Variants in SNX29 observed in about 807,000 individuals in gnomAD.
SNX29 encodes the protein sorting nexin-29.
SNX29 carries 78 observed loss-of-function variants against 102.1 expected under a neutral mutation model. The observed-to-expected ratio is 0.76, with a 90% CI of 0.64 to 0.92. The LOEUF (loss-of-function observed/expected upper bound fraction) is 0.92. SNX29 is among the 40% of genes least tolerant of loss of function. The pLI is 0.00. For missense variants in SNX29, 1,280 were observed against 1,061.7 expected (o/e 1.21, Z -2.86); for synonymous variants, 580 against 414.5 (o/e 1.40, Z -4.85).
At chr16:12,123,310 C>G (rs529814699) in intron 11 of SNX29, among the ~76,000 whole-genome samples, 11 of 152,202 alleles carry the variant, frequency 7.2e-5, no homozygotes, top group South Asian at 2.1e-4. Context: ...AGTCTGCTCT[C>G]TCTTCAGATT....
At chr16:12,052,305 C>G (rs754750164) in intron 8 of SNX29, 83 bp downstream of exon 8, 4 of 1,490,558 alleles carry the variant, frequency 2.7e-6, no homozygotes, top group Non-Finnish European at 3.7e-6. Flanking sequence ...CAACCTCCAC[C>G]TCCCGGGTTC....
At chr16:11,991,369 C>T (rs16958827) in intron 1 of SNX29, among the ~76,000 whole-genome samples, 18,768 of 152,064 alleles carry the variant, frequency 0.12, 2,435 homozygotes, top group African/African-American at 0.33. Context: ...GGGTGGCTGT[C>T]ACAGAGGGCC....
intron 20 of SNX29, among the ~76,000 whole-genome samples, chr16:12,562,503 C>G (rs935331447): frequency 5.9e-5 from 9 of 152,206 alleles, no homozygotes; most frequent in Admixed American, 2.6e-4. Flanking sequence ...GCATCGTGAG[C>G]AGCCCAAGTA....
At chr16:12,433,741 T>A (rs2085414103) in intron 18 of SNX29, among the ~76,000 whole-genome samples, 1 of 152,028 alleles carries the variant, frequency 6.6e-6, no homozygotes, top group Non-Finnish European at 1.5e-5. Flanking sequence ...CAAGTATCGC[T>A]TGAACCTGGG....
At chr16:12,319,916 G>A (rs2080875248) in intron 15 of SNX29, among the ~76,000 whole-genome samples, 1 of 152,188 alleles carries the variant, frequency 6.6e-6, no homozygotes, top group East Asian at 1.9e-4. Context: ...CTTGGTGGCA[G>A]GTTTCTTCAG....
At chr16:12,064,013 G>C (rs1287328080) in intron 9 of SNX29, among the ~76,000 whole-genome samples, 2 of 151,958 alleles carry the variant, frequency 1.3e-5, no homozygotes, top group East Asian at 3.9e-4. Context: ...TAGGACCCCT[G>C]GGGAGTTTTG....
At chr16:12,241,490 C>T (rs927176287) in intron 14 of SNX29, among the ~76,000 whole-genome samples, 13 of 151,584 alleles carry the variant, frequency 8.6e-5, no homozygotes, top group Non-Finnish European at 1.9e-4. Flanking sequence ...GATGGAGTCT[C>T]TCTCTGTTGC....
At chr16:12,562,377 A>G (rs1234639714) in intron 20 of SNX29, among the ~76,000 whole-genome samples, 6 of 139,552 alleles carry the variant, frequency 4.3e-5, no homozygotes, top group Non-Finnish European at 9.2e-5. Flanking sequence ...CCATTTTTTA[A>G]AACAGCTCAA....
intron 11 of SNX29, among the ~76,000 whole-genome samples, chr16:12,117,150 G>A (rs1346045693): frequency 8.6e-4 from 89 of 103,812 alleles, no homozygotes; most frequent in South Asian, 1.0e-3. Flanking sequence ...ACGTGCTTCA[G>A]TGCGGACGAA....
At position 12,570,260 on chromosome 16, in the gene SNX29, A is replaced by G. The variant is rs1598135928; in HGVS notation, c.*1631A>G. On this transcript the variant is annotated 3_prime_UTR_variant, in exon 21 of 21. Transcript: ENST00000566228. ...TGAGACCAAATGAGCTGGAGCATGT[A>G]TGGAGGTGCGGACCCTGCAGTCAGT... The G allele has an allele frequency of 9.4e-7, 1 of 1,064,878 alleles. No individual in the cohort carries two copies. Among genetic ancestry groups the G allele is most frequent in the East Asian group, 5.0e-5 (1 of 20,026 alleles). The allele number at this position is 1,064,878 out of a possible 1,614,324, so 66.0% of individuals were successfully genotyped here. A position where few individuals can be genotyped will look rare whatever the true frequency, so the allele number is the denominator to read the frequency against.
intron 20 of SNX29, chr16:12,557,233 C>G (rs2078425121): frequency 6.6e-6 from 1 of 152,262 alleles, no homozygotes; most frequent in Non-Finnish European, 1.5e-5. Context: ...ATTTGGGAAG[C>G]TTTACCATTT....
At chr16:12,041,211 A>G (rs2049867683) in intron 4 of SNX29, among the ~76,000 whole-genome samples, 1 of 152,068 alleles carries the variant, frequency 6.6e-6, no homozygotes, top group Non-Finnish European at 1.5e-5. Context: ...TACCGGGTTC[A>G]AATGATTCTC....
chr16:12,258,493 A>G (rs376939611), intron 14 of SNX29, among the ~76,000 whole-genome samples: 1 of 151,988 alleles, frequency 6.6e-6, no homozygotes, highest in Non-Finnish European at 1.5e-5. Flanking sequence ...TCTCCAGTGT[A>G]TGTTTTGCAT....
chr16:12,266,255 G>A (rs904776026), intron 14 of SNX29, among the ~76,000 whole-genome samples: 5 of 152,092 alleles, frequency 3.3e-5, no homozygotes, highest in South Asian at 2.1e-4. Flanking sequence ...TACTCACACC[G>A]CTCTCAACAC....
At chr16:12,536,230 G>A (rs557716364) in intron 20 of SNX29, among the ~76,000 whole-genome samples, 1 of 152,194 alleles carries the variant, frequency 6.6e-6, no homozygotes, top group South Asian at 2.1e-4. Flanking sequence ...AGGATTTCAT[G>A]TTTTTTTCTT....
At chr16:12,484,019 G>A (rs1004388492) in intron 19 of SNX29, among the ~76,000 whole-genome samples, 5 of 152,190 alleles carry the variant, frequency 3.3e-5, no homozygotes, top group South Asian at 4.1e-4. Flanking sequence ...ATTGTTCAGC[G>A]GGACTGAGAT....
At chr16:12,230,400 T>C (rs910836267) in intron 14 of SNX29, among the ~76,000 whole-genome samples, 6 of 152,200 alleles carry the variant, frequency 3.9e-5, no homozygotes, top group African/African-American at 1.2e-4. Flanking sequence ...CCTGCAGTAG[T>C]ACTGAGGAAA....
intron 19 of SNX29, among the ~76,000 whole-genome samples, chr16:12,485,027 AAG>A (rs2088157912): frequency 6.6e-6 from 1 of 152,248 alleles, no homozygotes; most frequent in Non-Finnish European, 1.5e-5. Flanking sequence ...AATTCAGTGG[AAG>A]AGTTTCCCTT....
In SNX29 at chr16:12,245,219, C is replaced by G. The variant is rs2078225811; in HGVS notation, c.1679-32714C>G. Among the ~76,000 whole-genome samples, 5 of 152,146 alleles carry G rather than the reference C, an allele frequency of 3.3e-5. No individual in the cohort carries two copies. The South Asian group carries it at 8.3e-4, about 25-fold the overall frequency. On this transcript the variant is annotated intron_variant, in intron 14 of 20. Coordinates refer to ENST00000566228, the MANE Select transcript of SNX29 (RefSeq NM_032167.5). ...TACAGCGGAATCCTGGCATTGCTCCCTATGAGCTGTGTGACCTCAGCTGAG... is the reference window on the plus strand; with the variant it reads ...TACAGCGGAATCCTGGCATTGCTCCGTATGAGCTGTGTGACCTCAGCTGAG...
Sources: gnomAD v4.1 joint callset for allele counts (sites outside exome capture counted in the v4.1 genomes callset) on GRCh38, gnomAD v4.1.1 for gene constraint, MANE v1.5 for transcripts, NCBI Gene and HGNC (gene_info 2026-07-23, HGNC 2026-07-21) for gene names.